MOCS2: variants seen among roughly 807,000 people sequenced by gnomAD.
The protein encoded by MOCS2 is molybdopterin synthase catalytic subunit.
MOCS2 carries 13 observed loss-of-function variants against 21.9 expected under a neutral mutation model. That is an observed-to-expected ratio of 0.59 (90% CI 0.39 to 0.94). The LOEUF (loss-of-function observed/expected upper bound fraction) is 0.94, where lower values mean the gene tolerates loss of function less well. MOCS2 is among the 40% of genes least tolerant of loss of function. MOCS2 has a pLI of 0.00. For synonymous variants in MOCS2, 92 were observed against 80.8 expected (o/e 1.14, Z -0.74); for missense variants, 227 against 218.3 (o/e 1.04, Z -0.25).
At chr5:53,101,262 G>C in intron 5 of MOCS2, 97 bp downstream of exon 5, 2 of 1,266,282 alleles carry the variant, frequency 1.6e-6, no homozygotes, top group African/African-American at 1.5e-5. Flanking sequence ...TCCTCTCATG[G>C]TAATATAGAA....
rs139958700 is a variant in MOCS2 at position 53,103,475 on chromosome 5, C to A, written c.99-1251G>T. Among the ~76,000 whole-genome samples the A allele has an allele frequency of 1.1e-3, 162 of 152,270 alleles. 1 individual carries two copies. Among genetic ancestry groups the A allele is most frequent in the African/African-American group, 3.6e-3 (150 of 41,552 alleles). ...GAACTGGGTTCCCTTCACAAACTGGCAAAACCCCAGGTAAGTAACTGAGGA... is the reference window on the plus strand; with the variant it reads ...GAACTGGGTTCCCTTCACAAACTGGAAAAACCCCAGGTAAGTAACTGAGGA... On this transcript the variant is annotated intron_variant, in intron 3 of 6. Transcript: ENST00000396954.
rs149421986 is a variant in MOCS2, at chr5:53,106,276, T to C, written c.98+801A>G. Among the ~76,000 whole-genome samples, 1,305 of 152,214 alleles carry C rather than the reference T, an allele frequency of 8.6e-3. 6 individuals are homozygous for C. The highest frequency in any genetic ancestry group is 0.012 in the Non-Finnish European group (810 of 68,022). ...CTGTTCACTGCAGCACTATTCACAA[T>C]AGCAAAGACATGGAATCAACCTAAA... On this transcript the variant is annotated intron_variant, in intron 3 of 6. Transcript: ENST00000396954.
In MOCS2 at chr5:53,107,148, C is replaced by G. The variant is rs757067036; in HGVS notation, c.27G>C (p.Ser9=). Residue 9 remains serine, a synonymous_variant, in exon 3 of 7, where the codon TCG becomes TCC. Coordinates refer to ENST00000396954, the MANE Select transcript of MOCS2 (RefSeq NM_004531.5). MSSLEISS[S]CFSLETKLPL... Reference sequence around the variant, plus strand: ...GCAATTTCGTCTCCAGGCTGAAGCACGAGGAGCTGATCTCCAAGCTCGACA... The same window carrying G: ...GCAATTTCGTCTCCAGGCTGAAGCAGGAGGAGCTGATCTCCAAGCTCGACA... 3 of 1,614,050 alleles carry G rather than the reference C, an allele frequency of 1.9e-6. No individual in the cohort carries two copies. Among genetic ancestry groups the G allele is most frequent in the Non-Finnish European group, 2.5e-6 (3 of 1,179,972 alleles).
Position 53,108,655 on chromosome 5 carries a change from G to T in MOCS2, c.-169-12C>A. 2 of 1,610,858 alleles carry T rather than the reference G, an allele frequency of 1.2e-6. No individual in the cohort carries two copies. Among genetic ancestry groups the T allele is most frequent in the African/African-American group, 1.3e-5 (1 of 74,938 alleles). On this transcript the variant is annotated splice_polypyrimidine_tract_variant and intron_variant, in intron 1 of 6. Coordinates refer to ENST00000396954, the MANE Select transcript of MOCS2 (RefSeq NM_004531.5). ...TACAATACTTCAACCTGAAAGTAAA[G>T]AAAATGCTTTTAATAACAACTCATA...
intron 3 of MOCS2, among the ~76,000 whole-genome samples, chr5:53,106,512 C>A (rs1165263780): frequency 6.6e-6 from 1 of 151,986 alleles, no homozygotes; most frequent in African/African-American, 2.4e-5. Context: ...TACACATGGA[C>A]ACAAAGAAGG....
chr5:53,100,249 A>T (rs1459976453), intron 6 of MOCS2, among the ~76,000 whole-genome samples, 162 bp downstream of exon 6: 1 of 152,224 alleles, frequency 6.6e-6, no homozygotes. Flanking sequence ...TTTGGGGCAC[A>T]TATTTTTCAT....
chr5:53,104,208 GC>G (rs1023422503), intron 3 of MOCS2, among the ~76,000 whole-genome samples: 6 of 152,122 alleles, frequency 3.9e-5, no homozygotes, highest in Non-Finnish European at 8.8e-5. Context: ...TTTTTCATCT[GC>G]TACACAAGCC....
chr5:53,107,213 T>A lies in MOCS2; in HGVS notation c.-39A>T. 2.5e-6 allele frequency: 4 copies of A among 1,613,032 alleles called. No individual in the cohort carries two copies. The highest frequency in any genetic ancestry group is 3.4e-6 in the Non-Finnish European group (4 of 1,179,602). On this transcript the variant is annotated 5_prime_UTR_variant, in exon 3 of 7. An upstream start codon of the reference 5' UTR is lost. Transcript: ENST00000396954. ...AGCAAATATTATCTGATTTCTAACA[T>A]CAGCCAATCTAAAGGGGAAAAAATA...
Position 53,109,376 on chromosome 5 carries a change from G to A in MOCS2, c.-295C>T, listed in dbSNP as rs1741140973. 8.5e-7 allele frequency: 1 copy of A among 1,174,284 alleles called. No individual in the cohort carries two copies. The highest frequency in any genetic ancestry group is 1.1e-6 in the Non-Finnish European group (1 of 951,012). 72.7% of individuals were successfully genotyped at this position (1,174,284 alleles called of 1,614,324 possible). On this transcript the variant is annotated 5_prime_UTR_variant, in exon 1 of 7. Transcript: ENST00000396954. ...TCTCCATGAGGTGCATTTCTTTTTA[G>A]ATTAAAATTTTAGCTTCATCAAAAC...
intron 2 of MOCS2, 35 bp from the exon 3 acceptor site, chr5:53,107,256 G>A (rs1467383198): frequency 5.7e-6 from 9 of 1,582,038 alleles, no homozygotes; most frequent in South Asian, 3.4e-5. Flanking sequence ...AAGTATCAAC[G>A]CTATGATAGA....
intron 3 of MOCS2, among the ~76,000 whole-genome samples, chr5:53,106,073 G>A (rs1376551433): frequency 6.6e-6 from 1 of 152,038 alleles, no homozygotes; most frequent in South Asian, 2.1e-4. Flanking sequence ...ACAGATGCTG[G>A]CGAGGACGTG....
chr5:53,099,671 G>A (rs1484415953), intron 6 of MOCS2, among the ~76,000 whole-genome samples: 1 of 152,210 alleles, frequency 6.6e-6, no homozygotes, highest in Admixed American at 6.5e-5. Context: ...CTGGGAAGGA[G>A]GGGAGAAGTG....
At position 53,096,847 on chromosome 5, in the gene MOCS2, A is replaced by G. The variant is rs1202928359; in HGVS notation, c.*1755T>C. ...TTCTATGTTCTTTAAAAACATCATT[A>G]CCCTCAATAAGGAACTTCTAAAGAA... On this transcript the variant is annotated 3_prime_UTR_variant, in exon 7 of 7. Transcript: ENST00000396954. The G allele has an allele frequency of 6.6e-6, 1 of 152,242 alleles. No homozygotes were observed. The highest frequency in any genetic ancestry group is 2.4e-5 in the African/African-American group (1 of 41,460). 9.4% of individuals were successfully genotyped at this position (152,242 alleles called of 1,614,324 possible).
At chr5:53,102,759 C>T (rs1561174596) in intron 3 of MOCS2, among the ~76,000 whole-genome samples, 1 of 151,908 alleles carries the variant, frequency 6.6e-6, no homozygotes. Flanking sequence ...CCAGCCTGGC[C>T]AACATGGTGA....
At chr5:53,102,294 T>G in intron 3 of MOCS2, 70 bp from the exon 4 acceptor site, 2 of 1,412,120 alleles carry the variant, frequency 1.4e-6, no homozygotes, top group Non-Finnish European at 2.0e-6. Context: ...TTATAGGCTC[T>G]TTCAATTTAT....
At chr5:53,099,849 G>A (rs66819931) in intron 6 of MOCS2, among the ~76,000 whole-genome samples, 5,732 of 152,272 alleles carry the variant, frequency 0.038, 168 homozygotes, top group Non-Finnish European at 0.057. Flanking sequence ...CACCAGGGGA[G>A]AAACTAGGGA....
At chr5:53,109,083 G>A (rs1741130277) in intron 1 of MOCS2, among the ~76,000 whole-genome samples, 168 bp downstream of exon 1, 1 of 152,180 alleles carries the variant, frequency 6.6e-6, no homozygotes, top group African/African-American at 2.4e-5. Context: ...TTAGATTCCG[G>A]TCTGTATAAC....
At chr5:53,101,998 T>C in intron 4 of MOCS2, 99 bp downstream of exon 4, 1 of 1,304,314 alleles carries the variant, frequency 7.7e-7, no homozygotes, top group Non-Finnish European at 1.1e-6. Flanking sequence ...GGTTTAAAGT[T>C]CAGTATTTCA....
At position 53,095,882 on chromosome 5, in the gene MOCS2, A is replaced by G. The variant is rs1740714495; in HGVS notation, c.*2720T>C. 1 of 152,180 alleles carries G rather than the reference A, an allele frequency of 6.6e-6. No individual in the cohort carries two copies. Among genetic ancestry groups the G allele is most frequent in the African/African-American group, 2.4e-5 (1 of 41,448 alleles). The allele number at this position is 152,180 out of a possible 1,614,324, so 9.4% of individuals were successfully genotyped here. A position where few individuals can be genotyped will look rare whatever the true frequency, so the allele number is the denominator to read the frequency against. ...TTAAAAACTACAAATTGCATTTTCA[A>G]AAACTCCTTCCTGATCCTATCATAA... is the stretch of plus-strand genomic sequence containing the variant. On this transcript the variant is annotated 3_prime_UTR_variant, in exon 7 of 7. Coordinates refer to ENST00000396954, the MANE Select transcript of MOCS2 (RefSeq NM_004531.5).
Sources: gnomAD v4.1 joint callset for allele counts (sites outside exome capture counted in the v4.1 genomes callset) on GRCh38, gnomAD v4.1.1 for gene constraint, MANE v1.5 for transcripts, NCBI Gene and HGNC (gene_info 2026-07-23, HGNC 2026-07-21) for gene names.